TIAM1: variants seen among roughly 807,000 people sequenced by gnomAD.
The protein encoded by TIAM1 is TIAM Rac1 associated GEF 1, also known as rho guanine nucleotide exchange factor TIAM1.
In TIAM1, 65 loss-of-function variants were observed where a neutral mutation model predicts 163.5. The observed-to-expected ratio is 0.40, with a 90% CI of 0.33 to 0.49. The LOEUF is 0.49. Among genes scored for constraint, TIAM1 ranks in the 20% least tolerant of loss-of-function variants. The pLI, the probability that TIAM1 is intolerant of heterozygous loss-of-function variation, is 0.77. For synonymous variants in TIAM1, 833 were observed against 810.1 expected, an observed-to-expected ratio of 1.03 and a Z score of -0.48; for missense variants, 1,789 against 2,044.7, an observed-to-expected ratio of 0.87 and a Z score of 2.41.
intron 2 of TIAM1, among the ~76,000 whole-genome samples, chr21:31,415,763 C>T (rs1274265596): frequency 2.0e-5 from 3 of 152,116 alleles, no homozygotes; most frequent in Admixed American, 6.5e-5. Flanking sequence ...ATAATTTGAA[C>T]GTTTGAGCTC....
intron 22 of TIAM1, among the ~76,000 whole-genome samples, chr21:31,137,060 T>C (rs1237245073): frequency 3.3e-5 from 5 of 152,234 alleles, no homozygotes; most frequent in Non-Finnish European, 5.9e-5. Flanking sequence ...CTAGACACGA[T>C]GATCCAGAGA....
chr21:31,232,357 A>ATAAAGCAACAGTCCC (rs1234016573), intron 6 of TIAM1, among the ~76,000 whole-genome samples: 1 of 152,178 alleles, frequency 6.6e-6, no homozygotes, highest in African/African-American at 2.4e-5. Context: ...TCTTGTCTAA[A>ATAAAGCAACAGTCCC]TAAAGCAACA....
rs192869674 is a variant in TIAM1, at chr21:31,182,968, T to C, written c.2663-323A>G. Among the ~76,000 whole-genome samples, 175 of 152,264 alleles carry C rather than the reference T, an allele frequency of 1.1e-3. 1 individual carries two copies. Among genetic ancestry groups the C allele is most frequent in the African/African-American group, 3.8e-3 (159 of 41,568 alleles). ...TAATTCCGGTTATCTTCCTACACTT[T>C]TGGGGCGGGGCGAGCGGGGAATGGC... On this transcript the variant is annotated intron_variant, in intron 14 of 27. Coordinates refer to ENST00000541036, the MANE Select transcript of TIAM1 (RefSeq NM_001353694.2).
intron 2 of TIAM1, among the ~76,000 whole-genome samples, chr21:31,403,076 G>A (rs1417853609): frequency 6.6e-6 from 1 of 152,182 alleles, no homozygotes; most frequent in African/African-American, 2.4e-5. Flanking sequence ...CTGAAATGCC[G>A]AATCCCAAAA....
chr21:31,148,348 G>C (rs577955621), intron 19 of TIAM1, among the ~76,000 whole-genome samples: 2 of 152,294 alleles, frequency 1.3e-5, no homozygotes, highest in South Asian at 4.1e-4. Context: ...AGTCTCAGGA[G>C]ATCTGATGGT....
At position 31,471,967 on chromosome 21, in the gene TIAM1, G is replaced by GC. The variant is rs1195709839; in HGVS notation, c.-421-7933dup. Among the ~76,000 whole-genome samples the GC allele has an allele frequency of 7.9e-5, 12 of 152,038 alleles. No homozygotes were observed. The East Asian group carries it at 2.3e-3, about 29-fold the overall frequency. On this transcript the variant is annotated intron_variant, in intron 1 of 28. Coordinates refer to the TIAM1 transcript ENST00000286827. ...GGCGGGAGCCTTGAGTCCACAGGGAGCCCTACAATGATCTCCATCTCCCAT... is the reference window on the plus strand; with the variant it reads ...GGCGGGAGCCTTGAGTCCACAGGGAGCCCCTACAATGATCTCCATCTCCCAT...
chr21:31,214,098 G>A lies in TIAM1; in HGVS notation c.2143-626C>T, dbSNP rs146364111. Among the ~76,000 whole-genome samples the A allele has an allele frequency of 8.3e-3, 1,263 of 152,198 alleles. 23 individuals are homozygous for A. Among genetic ancestry groups the A allele is most frequent in the African/African-American group, 0.029 (1,194 of 41,514 alleles). Reference sequence around the variant, plus strand: ...CTAGTACTTTGGGAGGCTGAGGCAGGAGGATTGCTCCAGCCCAGGAGTTTG... The same window carrying A: ...CTAGTACTTTGGGAGGCTGAGGCAGAAGGATTGCTCCAGCCCAGGAGTTTG... On this transcript the variant is annotated intron_variant, in intron 9 of 27. Coordinates refer to ENST00000541036, the MANE Select transcript of TIAM1 (RefSeq NM_001353694.2).
At chr21:31,144,848 AAAAAG>A (rs58564303) in intron 20 of TIAM1, among the ~76,000 whole-genome samples, 55 of 147,858 alleles carry the variant, frequency 3.7e-4, no homozygotes, top group African/African-American at 1.4e-3. Context: ...AAAAAAAAAA[AAAAAG>A]AAAAGAAAAG....
intron 6 of TIAM1, among the ~76,000 whole-genome samples, chr21:31,244,554 G>A (rs1050723137): frequency 2.0e-5 from 3 of 152,122 alleles, no homozygotes; most frequent in African/African-American, 2.4e-5. Context: ...GTGAAACCCC[G>A]TATCTACTGA....
intron 9 of TIAM1, among the ~76,000 whole-genome samples, chr21:31,214,087 G>A (rs1477796968): frequency 7.9e-5 from 12 of 151,662 alleles, no homozygotes; most frequent in Non-Finnish European, 1.8e-4. Context: ...TACTTTGGGA[G>A]GCTGAGGCAG....
At chr21:31,303,512 GT>G (rs925807533) in intron 2 of TIAM1, among the ~76,000 whole-genome samples, 5 of 151,310 alleles carry the variant, frequency 3.3e-5, no homozygotes, top group Admixed American at 6.6e-5. Flanking sequence ...CAAAGAATTG[GT>G]TTTTTTTTCT....
At chr21:31,544,742 G>A (rs1446345876) in intron 1 of TIAM1, among the ~76,000 whole-genome samples, 4 of 152,116 alleles carry the variant, frequency 2.6e-5, no homozygotes, top group East Asian at 1.9e-4. Flanking sequence ...GGCCAGGCAC[G>A]GTGGCTCACG....
rs144061674 is a variant in TIAM1, at chr21:31,391,983, A to G, written c.-368-52561T>C. Reference sequence around the variant, plus strand: ...TCACTTTCAGTACAGTACTTAATACATTACATGAGATATTCAACACTTTAT... The same window carrying G: ...TCACTTTCAGTACAGTACTTAATACGTTACATGAGATATTCAACACTTTAT... On this transcript the variant is annotated intron_variant, in intron 2 of 28. Transcript: ENST00000286827. Among the ~76,000 whole-genome samples, 375 of 152,322 alleles carry G rather than the reference A, an allele frequency of 2.5e-3. 2 individuals are homozygous for G. The highest frequency in any genetic ancestry group is 8.5e-3 in the African/African-American group (355 of 41,572).
At chr21:31,223,183 C>T (rs60874455) in intron 8 of TIAM1, among the ~76,000 whole-genome samples, 18,547 of 152,048 alleles carry the variant, frequency 0.12, 3,600 homozygotes, top group African/African-American at 0.41. Flanking sequence ...CTTCATATTT[C>T]CTTTGCACAA....
At chr21:31,175,787 C>T (rs1366321641) in intron 15 of TIAM1, among the ~76,000 whole-genome samples, 10 of 152,094 alleles carry the variant, frequency 6.6e-5, no homozygotes, top group Admixed American at 4.6e-4. Flanking sequence ...TTAGTAGAGA[C>T]GGGGTTCCAC....
At chr21:31,380,895 T>C (rs1390073528) in intron 2 of TIAM1, among the ~76,000 whole-genome samples, 2 of 152,218 alleles carry the variant, frequency 1.3e-5, no homozygotes, top group Non-Finnish European at 2.9e-5. Context: ...TCCCAACCCC[T>C]TCACTCACAT....
At chr21:31,411,143 G>C (rs891898004) in intron 2 of TIAM1, among the ~76,000 whole-genome samples, 1 of 152,168 alleles carries the variant, frequency 6.6e-6, no homozygotes, top group Non-Finnish European at 1.5e-5. Context: ...CAAAAGGGAA[G>C]TAGCACCCCA....
intron 3 of TIAM1, among the ~76,000 whole-genome samples, chr21:31,270,740 C>T (rs923434719): frequency 1.3e-5 from 2 of 152,200 alleles, no homozygotes; most frequent in Admixed American, 6.5e-5. Flanking sequence ...TTTTTTGGCT[C>T]ATCCGTTATC....
At chr21:31,471,332 C>G (rs1218545046) in intron 1 of TIAM1, among the ~76,000 whole-genome samples, 1 of 152,168 alleles carries the variant, frequency 6.6e-6, no homozygotes, top group Non-Finnish European at 1.5e-5. Context: ...GCTCGGTTCC[C>G]CCCTTTACCA....
Sources: allele counts gnomAD v4.1 joint callset (sites outside exome capture counted in the v4.1 genomes callset), GRCh38; gene constraint gnomAD v4.1.1; transcripts MANE v1.5; gene names NCBI Gene and HGNC (gene_info 2026-07-23, HGNC 2026-07-21).